ZNF695: variants seen among roughly 807,000 people sequenced by gnomAD.
ZNF695 encodes zinc finger protein 695.
A neutral mutation model predicts 11.2 loss-of-function variants in ZNF695; 11 were observed. The ratio of observed to expected loss-of-function variants is 0.98; its 90% CI spans 0.62 to 1.62. The LOEUF (loss-of-function observed/expected upper bound fraction) is 1.62. Ranked by LOEUF, ZNF695 falls within the 40% of genes most tolerant of loss-of-function variation. The probability of loss-of-function intolerance (pLI) is 0.00; values close to 1 mark genes in which losing one functional copy is unlikely to be tolerated. For synonymous variants in ZNF695, 190 were observed against 201.4 expected (o/e 0.94, Z 0.48); for missense variants, 559 against 590.5 (o/e 0.95, Z 0.55).
In ZNF695 at chr1:246,987,116, C is replaced by G; in HGVS notation, c.1399G>C (p.Glu467Gln). 6.2e-7 allele frequency: 1 copy of G among 1,613,620 alleles called. No homozygotes were observed. The highest frequency in any genetic ancestry group is 8.5e-7 in the Non-Finnish European group (1 of 1,179,864). ...TGGCCAAAGGCTTTGCCACATTCTTCACATTTGTAGGGTTTCTCTCCAGTA... is the reference window on the plus strand; with the variant it reads ...TGGCCAAAGGCTTTGCCACATTCTTGACATTTGTAGGGTTTCTCTCCAGTA... Reference protein sequence around the residue: ...IHTGEKPYKCEECGKAFGQSS... With the variant: ...IHTGEKPYKCQECGKAFGQSS... Residue 467 changes from glutamate (E) to glutamine (Q), a missense_variant, in exon 4 of 4, where the codon GAA (glutamate) becomes CAA (glutamine). By Grantham distance (29) the Glu-to-Gln change is conservative. Coordinates refer to ENST00000339986, the MANE Select transcript of ZNF695 (RefSeq NM_020394.5).
At position 246,987,374 on chromosome 1, in the gene ZNF695, T is replaced by A; in HGVS notation, c.1141A>T (p.Lys381Ter). 1.2e-6 allele frequency: 2 copies of A among 1,613,642 alleles called. No homozygotes were observed. ...RRIHTGEKPYKCEECGKAFTW... is the reference protein window; with the variant it reads ...RRIHTGEKPY Reference sequence around the variant, plus strand: ...AAAGCTTTGCCACATTCCTCACATTTGTATGGTTTCTCACCAGTATGAATT... The same window carrying A: ...AAAGCTTTGCCACATTCCTCACATTAGTATGGTTTCTCACCAGTATGAATT... Residue 381 changes from lysine (K) to a stop codon, truncating the protein, a stop_gained, in exon 4 of 4, where the codon AAA (lysine) becomes TAA (stop). Coordinates refer to ENST00000339986, the MANE Select transcript of ZNF695 (RefSeq NM_020394.5). LOFTEE classifies it low-confidence loss of function (END_TRUNC).
rs1294287125 is a variant in ZNF695 at position 246,999,967 on chromosome 1, G to T, written c.111C>A (p.Tyr37Ter). Residue 37 changes from tyrosine (Y) to a stop codon, truncating the protein, a stop_gained, in exon 2 of 4, where the codon TAC (tyrosine) becomes TAA (stop). Coordinates refer to ENST00000339986, the MANE Select transcript of ZNF695 (RefSeq NM_020394.5). LOFTEE classifies it high-confidence loss of function. Reference sequence around the variant, plus strand: ...CCTCACCAAGGGAGATCAGGTTTCTGTAGTTCTCTAACATCACATCCCTAT... The same window carrying T: ...CCTCACCAAGGGAGATCAGGTTTCTTTAGTTCTCTAACATCACATCCCTAT... ...SLYRDVMLENYRNLISLGEDS... is the reference protein window; with the variant it reads ...SLYRDVMLEN 1.9e-6 allele frequency: 3 copies of T among 1,614,044 alleles called. No homozygotes were observed. In the African/African-American group the frequency reaches 4.0e-5, roughly 22 times the overall value.
chr1:247,003,029 T>G (rs1182835753), intron 1 of ZNF695, among the ~76,000 whole-genome samples: 1 of 152,170 alleles, frequency 6.6e-6, no homozygotes, highest in Non-Finnish European at 1.5e-5. Flanking sequence ...AAAACATAAA[T>G]TAGCCACTGT....
At chr1:246,949,601 A>G (rs57434988) in intron 5 of ZNF695, among the ~76,000 whole-genome samples, 51,084 of 142,602 alleles carry the variant, frequency 0.36, 9,309 homozygotes, top group East Asian at 0.47. Flanking sequence ...AAAAAAAAAG[A>G]AAAAAAAAAA....
chr1:247,006,430 A>G lies in ZNF695; in HGVS notation c.3+1476T>C, dbSNP rs1412073058. Among the ~76,000 whole-genome samples the G allele has an allele frequency of 4.6e-5, 7 of 151,964 alleles. No individual in the cohort carries two copies. In the East Asian group the frequency reaches 1.2e-3, roughly 25 times the overall value. On this transcript the variant is annotated intron_variant, in intron 1 of 3. Coordinates refer to ENST00000339986, the MANE Select transcript of ZNF695 (RefSeq NM_020394.5). ...GTTCGAGGGCAGCCTGGCCAACATA[A>G]TGAAACCCCATCTCTACTAAAAATA...
At chr1:247,007,796 C>G (rs906312101) in intron 1 of ZNF695, 110 bp downstream of exon 1, 14 of 1,354,034 alleles carry the variant, frequency 1.0e-5, no homozygotes, top group Non-Finnish European at 1.3e-5. Context: ...CCGCACACTC[C>G]GGAGCCGACC....
downstream of ZNF695, chr1:246,985,258 A>G: frequency 1.0e-6 from 1 of 980,888 alleles, no homozygotes; most frequent in Non-Finnish European, 1.2e-6. Flanking sequence ...GAAAAGCCAC[A>G]TGTTAAAAGG....
intron 1 of ZNF695, among the ~76,000 whole-genome samples, chr1:247,003,987 C>A (rs555949895): frequency 1.3e-5 from 2 of 152,142 alleles, no homozygotes; most frequent in African/African-American, 2.4e-5. Context: ...CCAAGGCGGG[C>A]GGATCACCTG....
At chr1:246,981,170 T>C (rs1016279506), downstream of ZNF695, among the ~76,000 whole-genome samples, 3 of 152,216 alleles carry the variant, frequency 2.0e-5, no homozygotes, top group Non-Finnish European at 2.9e-5. Flanking sequence ...AAATCAGAAC[T>C]GCTATGAGGT....
In ZNF695 at chr1:246,987,217, T is replaced by C; in HGVS notation, c.1298A>G (p.Glu433Gly). 6.2e-7 allele frequency: 1 copy of C among 1,614,020 alleles called. No individual in the cohort carries two copies. Among genetic ancestry groups the C allele is most frequent in the South Asian group, 1.1e-5 (1 of 91,086 alleles). ...ACATTCATCACATTTGTAGGGTTTC[T>C]CTCCAGTATGAATTCTCTTATGTTG... Reference protein sequence around the residue: ...LTQHKRIHTGEKPYKCDECGK... With the variant: ...LTQHKRIHTGGKPYKCDECGK... The change falls in exon 4 of 4, where the codon GAG becomes GGG. Residue 433 changes from glutamate (E) to glycine (G), a missense_variant. By Grantham distance (98) the Glu-to-Gly change is moderately conservative (BLOSUM62 -2). Transcript: ENST00000339986.
intron 4 of ZNF695, among the ~76,000 whole-genome samples, chr1:246,973,747 A>G (rs932386329): frequency 6.6e-6 from 1 of 152,246 alleles, no homozygotes; most frequent in Non-Finnish European, 1.5e-5. Context: ...AGCGAAGATC[A>G]GAGGGGTTAA....
At position 246,987,210 on chromosome 1, in the gene ZNF695, G is replaced by C; in HGVS notation, c.1305C>G (p.Pro435=). The change falls in exon 4 of 4, where the codon CCC becomes CCG. Residue 435 remains proline (P), a synonymous_variant. Transcript: ENST00000339986. The part of the protein sequence containing the change: ...QHKRIHTGEK[P]YKCDECGKAF... ...CTTTGCCACATTCATCACATTTGTA[G>C]GGTTTCTCTCCAGTATGAATTCTCT... is the stretch of plus-strand genomic sequence containing the variant. 6.2e-7 allele frequency: 1 copy of C among 1,613,684 alleles called. No homozygotes were observed. Among genetic ancestry groups the C allele is most frequent in the Non-Finnish European group, 8.5e-7 (1 of 1,179,942 alleles).
In ZNF695 at chr1:246,987,730, T is replaced by C; in HGVS notation, c.785A>G (p.His262Arg). The change falls in exon 4 of 4, where the codon CAT becomes CGT. Residue 262 changes from histidine (H) to arginine (R), a missense_variant. His to Arg is a conservative substitution (Grantham distance 29, BLOSUM62 0). Transcript: ENST00000339986. Reference protein sequence around the residue: ...CSSLAVVEKNHTEKKTYRCEE... With the variant: ...CSSLAVVEKNRTEKKTYRCEE... ...ACATCTGTAGGTTTTCTTTTCAGTATGATTTTTCTCAACAACAGCAAGACT... is the reference window on the plus strand; with the variant it reads ...ACATCTGTAGGTTTTCTTTTCAGTACGATTTTTCTCAACAACAGCAAGACT... 1 of 1,591,860 alleles carries C rather than the reference T, an allele frequency of 6.3e-7. No individual in the cohort carries two copies. The highest frequency in any genetic ancestry group is 8.5e-7 in the Non-Finnish European group (1 of 1,171,872).
chr1:246,951,215 G>A (rs1667863036), intron 5 of ZNF695, among the ~76,000 whole-genome samples: 1 of 152,040 alleles, frequency 6.6e-6, no homozygotes, highest in African/African-American at 2.4e-5. Flanking sequence ...GCTGAACTGT[G>A]TTCCCCAAAA....
chr1:246,954,504 T>C (rs550906604), intron 5 of ZNF695, among the ~76,000 whole-genome samples: 2 of 152,312 alleles, frequency 1.3e-5, no homozygotes, highest in African/African-American at 4.8e-5. Context: ...ATTTCAGCTC[T>C]CACAAGAAAA....
intron 3 of ZNF695, among the ~76,000 whole-genome samples, chr1:246,992,742 T>C (rs1669078632): frequency 6.6e-6 from 1 of 152,120 alleles, no homozygotes; most frequent in East Asian, 1.9e-4. Flanking sequence ...CAATGAAGGG[T>C]TTGCAGGTGA....
chr1:246,987,054 G>C lies in ZNF695; in HGVS notation c.1461C>G (p.Thr487=), dbSNP rs1668871797. 1 of 1,611,018 alleles carries C rather than the reference G, an allele frequency of 6.2e-7. No homozygotes were observed. The highest frequency in any genetic ancestry group is 8.5e-7 in the Non-Finnish European group (1 of 1,178,946). Residue 487 remains threonine, a synonymous_variant, in exon 4 of 4, where the codon ACC becomes ACG. Transcript: ENST00000339986. ...SHLSKHKTIH[T]REKPYKCEEC... The stretch of plus-strand genomic sequence containing the variant: ...CCTCACACTTGTATGGTTTCTCTCT[G>C]GTATGAATTGTCTTATGTTTAGAAA...
Position 247,007,935 on chromosome 1 carries a change from C to A in ZNF695, c.-27G>T. 2.0e-6 allele frequency: 3 copies of A among 1,509,498 alleles called. No individual in the cohort carries two copies. Among genetic ancestry groups the A allele is most frequent in the Non-Finnish European group, 2.7e-6 (3 of 1,120,186 alleles). The allele number at this position is 1,509,498 out of a possible 1,614,324, so 93.5% of individuals were successfully genotyped here. ...TCCCAGCTTTTGGGGGTCCCAGCGT[C>A]CTCCCTATAAATCTCGCAATACCTG... On this transcript the variant is annotated 5_prime_UTR_variant, in exon 1 of 4. Coordinates refer to ENST00000339986, the MANE Select transcript of ZNF695 (RefSeq NM_020394.5).
chr1:246,978,746 G>A (rs1223309102), intron 4 of ZNF695, among the ~76,000 whole-genome samples: 3 of 152,166 alleles, frequency 2.0e-5, no homozygotes, highest in African/African-American at 7.2e-5. Context: ...CACCTGGAGG[G>A]CTGTAGGATA....
Sources: allele counts gnomAD v4.1 joint callset (sites outside exome capture counted in the v4.1 genomes callset), GRCh38; gene constraint gnomAD v4.1.1; transcripts MANE v1.5; gene names NCBI Gene and HGNC (gene_info 2026-07-23, HGNC 2026-07-21).